Variants in NAA30 observed in about 807,000 individuals in gnomAD.
The protein encoded by NAA30 is N-alpha-acetyltransferase 30, NatC catalytic subunit, also known as N-alpha-acetyltransferase 30.
In NAA30, 5 loss-of-function variants were observed where a neutral mutation model predicts 31.4. The observed-to-expected ratio is 0.16, with a 90% confidence interval of 0.08 to 0.33. The LOEUF is 0.33. Among genes scored for constraint, NAA30 ranks in the 10% least tolerant of loss-of-function variants. The pLI is 1.00. For missense variants in NAA30, 428 were observed against 490.8 expected, an observed-to-expected ratio of 0.87 and a Z score of 1.21; for synonymous variants, 222 against 207.1, an observed-to-expected ratio of 1.07 and a Z score of -0.62.
intron 2 of NAA30, among the ~76,000 whole-genome samples, chr14:57,392,969 A>C (rs144306340): frequency 4.1e-4 from 62 of 152,332 alleles, no homozygotes; most frequent in African/African-American, 1.4e-3. Context: ...CTGCTCTTTC[A>C]GTATTCTAAG....
intron 2 of NAA30, among the ~76,000 whole-genome samples, chr14:57,392,813 CT>C (rs1452917204): frequency 2.0e-5 from 3 of 152,148 alleles, no homozygotes; most frequent in Non-Finnish European, 4.4e-5. Flanking sequence ...CAATACTTAT[CT>C]TTTTGATTCT....
intron 4 of NAA30, 23 bp from the exon 5 acceptor site, chr14:57,409,356 G>C: frequency 3.8e-6 from 6 of 1,563,662 alleles, no homozygotes; most frequent in Non-Finnish European, 4.3e-6. Context: ...TTATAACTTA[G>C]TTTTTTTCTC....
At position 57,391,418 on chromosome 14, in the gene NAA30, T is replaced by A; in HGVS notation, c.461T>A (p.Val154Glu). 2 of 1,607,300 alleles carry A rather than the reference T, an allele frequency of 1.2e-6. No individual in the cohort carries two copies. Among genetic ancestry groups the A allele is most frequent in the Non-Finnish European group, 1.7e-6 (2 of 1,177,004 alleles). ...GCAAGAACTGCGGTCCCCAGCCCGG[T>A]GGAGGCAGCGGCGGCGAGCGATCCC... is the stretch of plus-strand genomic sequence containing the variant. ...SNARTAVPSP[V>E]EAAAASDPAA... Residue 154 changes from valine to glutamate, a missense_variant, in exon 2 of 5, where the codon GTG becomes GAG. Val to Glu is a moderately radical substitution (Grantham distance 121). This residue lies in a region of NAA30 where 349 missense variants were observed against 310.4 expected (regional missense o/e 1.12). Coordinates refer to ENST00000556492, the MANE Select transcript of NAA30 (RefSeq NM_001011713.3). The surrounding 1 kb of genome is among the most constrained non-coding windows in gnomAD (Gnocchi z 4.1).
At chr14:57,397,620 C>T (rs2066456785) in intron 3 of NAA30, among the ~76,000 whole-genome samples, 1 of 152,118 alleles carries the variant, frequency 6.6e-6, no homozygotes, top group Non-Finnish European at 1.5e-5. Flanking sequence ...TTAAATAACG[C>T]CATAAAACTC....
intron 4 of NAA30, among the ~76,000 whole-genome samples, chr14:57,403,314 T>C (rs2066485178): frequency 6.6e-6 from 1 of 152,206 alleles, no homozygotes; most frequent in Non-Finnish European, 1.5e-5. Flanking sequence ...CTTTCTATTC[T>C]GTATACAGAA....
intron 2 of NAA30, among the ~76,000 whole-genome samples, chr14:57,392,411 T>A (rs1169373650): frequency 7.8e-6 from 1 of 128,696 alleles, no homozygotes. Flanking sequence ...CCGATCTGAT[T>A]TTTTTTTTTT....
chr14:57,394,366 T>TATA (rs1480636257), intron 2 of NAA30, among the ~76,000 whole-genome samples: 1 of 152,196 alleles, frequency 6.6e-6, no homozygotes, highest in East Asian at 1.9e-4. Context: ...CATAGTTTTA[T>TATA]AGACTGACAA....
At chr14:57,398,592 G>A (rs2066460723) in intron 3 of NAA30, among the ~76,000 whole-genome samples, 1 of 151,762 alleles carries the variant, frequency 6.6e-6, no homozygotes, top group African/African-American at 2.4e-5. Flanking sequence ...CAAGCACCTG[G>A]GACTACAGGC....
intron 3 of NAA30, among the ~76,000 whole-genome samples, chr14:57,397,639 A>T (rs957279337): frequency 8.5e-5 from 13 of 152,220 alleles, no homozygotes; most frequent in Non-Finnish European, 1.9e-4. Context: ...TCAATAGGCC[A>T]CCAGGTGCCG....
chr14:57,405,601 T>A (rs2066495487), intron 4 of NAA30, among the ~76,000 whole-genome samples: 1 of 152,168 alleles, frequency 6.6e-6, no homozygotes, highest in Non-Finnish European at 1.5e-5. Context: ...TTCTGTCACT[T>A]GGCAGTTGTG....
rs2066520212 is a variant in NAA30, at chr14:57,410,987, CTAAT to C, written c.*1474_*1477del. 2 of 149,924 alleles carry C rather than the reference CTAAT, an allele frequency of 1.3e-5. No homozygotes were observed. The highest frequency in any genetic ancestry group is 4.9e-5 in the African/African-American group (2 of 40,818). 9.3% of individuals were successfully genotyped at this position (149,924 alleles called of 1,614,324 possible). A position where few individuals can be genotyped will look rare whatever the true frequency, so the allele number is the denominator to read the frequency against. ...TTGGTTTGGAATATATTTTGTGGCT[CTAAT>C]TACTGTATTTTTAAAAACCCTACCT... On this transcript the variant is annotated 3_prime_UTR_variant, in exon 5 of 5. Transcript: ENST00000556492.
chr14:57,405,198 G>C (rs1486193615), intron 4 of NAA30, among the ~76,000 whole-genome samples: 2 of 151,856 alleles, frequency 1.3e-5, no homozygotes, highest in African/African-American at 2.4e-5. Context: ...ACAATTAAAA[G>C]AATAAAATAG....
intron 1 of NAA30, 74 bp from the exon 2 acceptor site, chr14:57,390,882 CA>C: frequency 7.0e-7 from 1 of 1,422,784 alleles, no homozygotes; most frequent in South Asian, 1.7e-5. Context: ...GGCCGCCCCC[CA>C]TCCGTCGCCC....
At position 57,410,361 on chromosome 14, in the gene NAA30, C is replaced by A; in HGVS notation, c.*845C>A. On this transcript the variant is annotated 3_prime_UTR_variant, in exon 5 of 5. Coordinates refer to ENST00000556492, the MANE Select transcript of NAA30 (RefSeq NM_001011713.3). The stretch of plus-strand genomic sequence containing the variant: ...AAGAGATAAGAAAAGTTGATGGAGC[C>A]GGGAATTGCTGGGGTTTAGATGCAC... 1 of 152,400 alleles carries A rather than the reference C, an allele frequency of 6.6e-6. No homozygotes were observed. The highest frequency in any genetic ancestry group is 3.4e-3 in the Middle Eastern group (1 of 292). The allele number at this position is 152,400 out of a possible 1,614,324, so 9.4% of individuals were successfully genotyped here. A position where few individuals can be genotyped will look rare whatever the true frequency, so the allele number is the denominator to read the frequency against.
chr14:57,412,483 C>G lies in NAA30; in HGVS notation c.*2967C>G, dbSNP rs1248853165. 1 of 152,050 alleles carries G rather than the reference C, an allele frequency of 6.6e-6. No homozygotes were observed. The highest frequency in any genetic ancestry group is 1.5e-5 in the Non-Finnish European group (1 of 68,022). 9.4% of individuals were successfully genotyped at this position (152,050 alleles called of 1,614,324 possible). On this transcript the variant is annotated 3_prime_UTR_variant, in exon 5 of 5. Coordinates refer to ENST00000556492, the MANE Select transcript of NAA30 (RefSeq NM_001011713.3). The stretch of plus-strand genomic sequence containing the variant: ...ACATCAGAGTTACTTTTCAGTGCAC[C>G]ATGACATCACTAAAATGAGTGCTGT...
chr14:57,400,616 T>C (rs1238220055), intron 4 of NAA30, among the ~76,000 whole-genome samples: 1 of 152,198 alleles, frequency 6.6e-6, no homozygotes, highest in African/African-American at 2.4e-5. Context: ...TTGTCTTTAT[T>C]ATTAGAGGTC....
rs766995131 is a variant in NAA30, at chr14:57,391,187, C to A, written c.230C>A (p.Pro77Gln). ...CATCCGTGCCTCCGCTGCCCTCAGC[C>A]GCCGCAGGAGCAGCAGCAGCTCAAC... ...KGHPCLRCPQ[P>Q]PQEQQQLNGL... Residue 77 changes from proline (P) to glutamine (Q), a missense_variant, in exon 2 of 5, where the codon CCG becomes CAG. Pro to Gln is a moderately conservative substitution (Grantham distance 76). Coordinates refer to ENST00000556492, the MANE Select transcript of NAA30 (RefSeq NM_001011713.3). This position sits in a 1 kb window ranked among gnomAD's most constrained non-coding sequence, Gnocchi z 4.1. 1 of 1,610,846 alleles carries A rather than the reference C, an allele frequency of 6.2e-7. No homozygotes were observed.
rs775484133 is a variant in NAA30, at chr14:57,391,068, C to T, written c.111C>T (p.Cys37=). The change falls in exon 2 of 5, where the codon TGC becomes TGT. Residue 37 remains cysteine (C), a synonymous_variant. Coordinates refer to ENST00000556492, the MANE Select transcript of NAA30 (RefSeq NM_001011713.3). This position sits in a 1 kb window ranked among gnomAD's most constrained non-coding sequence, Gnocchi z 4.1. ...TCCCGGCGGGGGCCGCCCTCGCCTG[C>T]TGCAGCGAGGACGAGGAGGACGACG... is the stretch of plus-strand genomic sequence containing the variant. The part of the protein sequence containing the change: ...CPFPAGAALA[C]CSEDEEDDEE... 13 of 1,533,020 alleles carry T rather than the reference C, an allele frequency of 8.5e-6. No homozygotes were observed. In the African/African-American group the frequency reaches 1.7e-4, roughly 20 times the overall value. The allele number at this position is 1,533,020 out of a possible 1,614,324, so 95.0% of individuals were successfully genotyped here.
At chr14:57,404,694 C>G (rs1256051120) in intron 4 of NAA30, among the ~76,000 whole-genome samples, 2 of 152,176 alleles carry the variant, frequency 1.3e-5, no homozygotes, top group East Asian at 3.8e-4. Context: ...GCCTCAAAAT[C>G]ATGGCAGAAG....
Sources: gnomAD v4.1 joint callset for allele counts (sites outside exome capture counted in the v4.1 genomes callset) on GRCh38, gnomAD v4.1.1 for gene constraint, gnomAD v4.1.1 regional missense constraint, Gnocchi (gnomAD v3.1) non-coding constraint, MANE v1.5 for transcripts, NCBI Gene and HGNC (gene_info 2026-07-23, HGNC 2026-07-21) for gene names.